Variants in TRIM68 observed in about 807,000 individuals in gnomAD.
TRIM68 encodes tripartite motif containing 68.
A neutral mutation model predicts 41.9 loss-of-function variants in TRIM68; 36 were observed. That is an observed-to-expected ratio of 0.86 (90% confidence interval 0.66 to 1.14). The LOEUF (loss-of-function observed/expected upper bound fraction) is 1.14, where lower values mean the gene tolerates loss of function less well. Ranked by LOEUF, TRIM68 falls within the 50% of genes most tolerant of loss-of-function variation. TRIM68 has a pLI of 0.00. For synonymous variants in TRIM68, 225 were observed against 224.6 expected (o/e 1.00, Z -0.02); for missense variants, 632 against 605.1 (o/e 1.04, Z -0.47).
chr11:4,601,677 C>T lies in TRIM68; in HGVS notation c.793G>A (p.Glu265Lys). Residue 265 changes from glutamate to lysine, a missense_variant, in exon 5 of 7, where the codon GAA (glutamate) becomes AAA (lysine). Transcript: ENST00000300747. Reference sequence around the variant, plus strand: ...GTGAGAACATACCTGTTTAACACTTCCTGAATATCCTGGAAGGAGAAAAAA... The same window carrying T: ...GTGAGAACATACCTGTTTAACACTTTCTGAATATCCTGGAAGGAGAAAAAA... ...PVRWMLQDIQ[E>K]VLNRSKSWSL... is the part of the protein sequence containing the mutation. 1 of 1,614,018 alleles carries T rather than the reference C, an allele frequency of 6.2e-7. No individual in the cohort carries two copies. The highest frequency in any genetic ancestry group is 1.3e-5 in the African/African-American group (1 of 74,970).
chr11:4,605,230 C>T lies in TRIM68; in HGVS notation c.275G>A (p.Gly92Glu). The T allele has an allele frequency of 3.1e-6, 5 of 1,614,260 alleles. No homozygotes were observed. The highest frequency in any genetic ancestry group is 4.2e-6 in the Non-Finnish European group (5 of 1,180,048). The change falls in exon 2 of 7, where the codon GGG (glycine) becomes GAG (glutamate). Residue 92 changes from glycine to glutamate, a missense_variant. Physicochemically the swap from Gly to Glu is moderately conservative, Grantham distance 98. Transcript: ENST00000300747. ...GCGCTCACACAGGTCACCCTTCAGC[C>T]CCATTCCTGGATGTAGCCTTAGCAG... ...VRLLRLHPGM[G>E]LKGDLCERHG...
intron 1 of TRIM68, among the ~76,000 whole-genome samples, chr11:4,606,827 C>T (rs566105636): frequency 6.6e-6 from 1 of 152,328 alleles, no homozygotes; most frequent in Non-Finnish European, 1.5e-5. Context: ...AGAAAAATCA[C>T]TGTGGTTTAG....
intron 4 of TRIM68, 58 bp from the exon 5 acceptor site, chr11:4,601,744 G>C (rs1010347476): frequency 1.3e-6 from 2 of 1,599,094 alleles, no homozygotes; most frequent in Admixed American, 3.3e-5. Flanking sequence ...AGAGGGAACA[G>C]ACATCGAACT....
intron 2 of TRIM68, among the ~76,000 whole-genome samples, chr11:4,604,084 G>C (rs1846534959): frequency 6.6e-6 from 1 of 152,284 alleles, no homozygotes; most frequent in African/African-American, 2.4e-5. Context: ...GTAATAAATG[G>C]TTGGGCTGGG....
In TRIM68 at chr11:4,600,629, C is replaced by G. The variant is rs747281312; in HGVS notation, c.1105G>C (p.Glu369Gln). 2 of 1,614,048 alleles carry G rather than the reference C, an allele frequency of 1.2e-6. No individual in the cohort carries two copies. Among genetic ancestry groups the G allele is most frequent in the East Asian group, 2.2e-5 (1 of 44,880 alleles). Residue 369 changes from glutamate (E) to glutamine (Q), a missense_variant, in exon 7 of 7, where the codon GAG becomes CAG. Physicochemically the swap from Glu to Gln is conservative, Grantham distance 29. Transcript: ENST00000300747. ...TGCTTACATACTCCCAGGCCCCACTCAGACCTGTCTCCCACCTCCACCTCC... is the reference window on the plus strand; with the variant it reads ...TGCTTACATACTCCCAGGCCCCACTGAGACCTGTCTCCCACCTCCACCTCC... ...YWEVEVGDRS[E>Q]WGLGVCKQNV...
Position 4,605,259 on chromosome 11 carries a change from G to T in TRIM68, c.246C>A (p.Val82=). 6.2e-7 allele frequency: 1 copy of T among 1,614,244 alleles called. No homozygotes were observed. The highest frequency in any genetic ancestry group is 8.5e-7 in the Non-Finnish European group (1 of 1,180,048). ...TTCCTGGATGTAGCCTTAGCAGACG[G>T]ACTTTTTCTACAACATTGGCCAGCT... ...NWQLANVVEK[V]RLLRLHPGMG... Residue 82 remains valine, a synonymous_variant, in exon 2 of 7, where the codon GTC becomes GTA. Coordinates refer to ENST00000300747, the MANE Select transcript of TRIM68 (RefSeq NM_018073.8).
intron 5 of TRIM68, 71 bp from the exon 6 acceptor site, chr11:4,601,198 G>T: frequency 8.3e-7 from 1 of 1,201,536 alleles, no homozygotes. Context: ...TTAGTACAGG[G>T]AAGAGGGGCT....
At position 4,600,151 on chromosome 11, in the gene TRIM68, A is replaced by G. The variant is rs1250686317; in HGVS notation, c.*125T>C. 4.0e-6 allele frequency: 4 copies of G among 989,454 alleles called. No individual in the cohort carries two copies. Among genetic ancestry groups the G allele is most frequent in the Non-Finnish European group, 5.8e-6 (4 of 683,868 alleles). The allele number at this position is 989,454 out of a possible 1,614,324, so 61.3% of individuals were successfully genotyped here. On this transcript the variant is annotated 3_prime_UTR_variant, in exon 7 of 7. Coordinates refer to ENST00000300747, the MANE Select transcript of TRIM68 (RefSeq NM_018073.8). ...CTGGTAGCAAAGACCAAAGGATCAG[A>G]CAGAGGAATCCTTGGATACTGGGCT...
Position 4,600,635 on chromosome 11 carries a change from T to G in TRIM68, c.1099A>C (p.Arg367=), listed in dbSNP as rs1406347244. The G allele has an allele frequency of 6.2e-7, 1 of 1,614,152 alleles. No homozygotes were observed. Among genetic ancestry groups the G allele is most frequent in the East Asian group, 2.2e-5 (1 of 44,874 alleles). Residue 367 remains arginine (R), a synonymous_variant, in exon 7 of 7, where the codon AGG becomes CGG. Transcript: ENST00000300747. ...RHYWEVEVGD[R]SEWGLGVCKQ... ...CATACTCCCAGGCCCCACTCAGACC[T>G]GTCTCCCACCTCCACCTCCCAGTAG... is the stretch of plus-strand genomic sequence containing the variant.
rs1564864736 is a variant in TRIM68 at position 4,600,844 on chromosome 11, G to A, written c.908-18C>T. 1 of 1,605,562 alleles carries A rather than the reference G, an allele frequency of 6.2e-7. No individual in the cohort carries two copies. Among genetic ancestry groups the A allele is most frequent in the Non-Finnish European group, 8.5e-7 (1 of 1,175,068 alleles). On this transcript the variant is annotated intron_variant, in intron 6 of 6. Transcript: ENST00000300747. Reference sequence around the variant, plus strand: ...CACATCAGCTAGAAGAAAAGGTCCTGGTTGGTAACAGTGATATAGGGCCAG... The same window carrying A: ...CACATCAGCTAGAAGAAAAGGTCCTAGTTGGTAACAGTGATATAGGGCCAG...
chr11:4,605,882 A>C (rs1846562065), intron 1 of TRIM68, among the ~76,000 whole-genome samples: 1 of 152,208 alleles, frequency 6.6e-6, no homozygotes, highest in Non-Finnish European at 1.5e-5. Context: ...TCTACAAATC[A>C]GCATTATTTC....
chr11:4,605,066 T>C lies in TRIM68; in HGVS notation c.426+13A>G, dbSNP rs1846547504. 1 of 1,611,604 alleles carries C rather than the reference T, an allele frequency of 6.2e-7. No individual in the cohort carries two copies. The highest frequency in any genetic ancestry group is 2.2e-5 in the East Asian group (1 of 44,834). On this transcript the variant is annotated intron_variant, in intron 2 of 6. Transcript: ENST00000300747. Reference sequence around the variant, plus strand: ...CCGGGGTTAGACTGGAGTGGCCAGCTTCCATCTCTCACCTTGTACTCCCAG... The same window carrying C: ...CCGGGGTTAGACTGGAGTGGCCAGCCTCCATCTCTCACCTTGTACTCCCAG...
intron 4 of TRIM68, 47 bp downstream of exon 4, chr11:4,602,105 C>A: frequency 6.2e-7 from 1 of 1,612,020 alleles, no homozygotes; most frequent in South Asian, 1.1e-5. Context: ...GAGTCTCAGT[C>A]TATCTTCAGC....
Position 4,605,276 on chromosome 11 carries a change from T to C in TRIM68, c.229A>G (p.Asn77Asp). ...AGCAGACGGACTTTTTCTACAACAT[T>C]GGCCAGCTGCCAATTAGGCCGCAGG... is the stretch of plus-strand genomic sequence containing the variant. ...RNLRPNWQLA[N>D]VVEKVRLLRL... The change falls in exon 2 of 7, where the codon AAT (asparagine) becomes GAT (aspartate). Residue 77 changes from asparagine (N) to aspartate (D), a missense_variant. Physicochemically the swap from Asn to Asp is conservative, Grantham distance 23. Coordinates refer to ENST00000300747, the MANE Select transcript of TRIM68 (RefSeq NM_018073.8). 6.2e-7 allele frequency: 1 copy of C among 1,614,260 alleles called. No individual in the cohort carries two copies. The highest frequency in any genetic ancestry group is 8.5e-7 in the Non-Finnish European group (1 of 1,180,048).
chr11:4,600,994 C>G, intron 6 of TRIM68, 33 bp downstream of exon 6: 9 of 1,601,732 alleles, frequency 5.6e-6, no homozygotes, highest in Non-Finnish European at 7.7e-6. Flanking sequence ...GTCCCTCCCA[C>G]TGTCCACTAC....
intron 2 of TRIM68, among the ~76,000 whole-genome samples, chr11:4,604,206 G>GA (rs1846536416): frequency 1.3e-5 from 2 of 152,192 alleles, no homozygotes; most frequent in South Asian, 4.2e-4. Flanking sequence ...TCCCATATAG[G>GA]AAAAAAGCTA....
intron 2 of TRIM68, 29 bp downstream of exon 2, chr11:4,605,050 G>C (rs763378323): frequency 2.5e-6 from 4 of 1,606,906 alleles, no homozygotes; most frequent in Non-Finnish European, 3.4e-6. Flanking sequence ...GCCGGGGTTA[G>C]ACTGGAGTGG....
chr11:4,602,093 T>C, intron 4 of TRIM68, 59 bp downstream of exon 4: 3 of 1,607,662 alleles, frequency 1.9e-6, no homozygotes, highest in Non-Finnish European at 2.6e-6. Context: ...TGCTCTCTCC[T>C]GGAGTCTCAG....
chr11:4,603,855 A>G (rs1169067408), intron 2 of TRIM68, among the ~76,000 whole-genome samples: 2 of 152,232 alleles, frequency 1.3e-5, no homozygotes, highest in African/African-American at 4.8e-5. Context: ...ATAGTAATGC[A>G]AGGGATTTCT....
Sources: gnomAD v4.1 joint callset for allele counts (sites outside exome capture counted in the v4.1 genomes callset) on GRCh38, gnomAD v4.1.1 for gene constraint, MANE v1.5 for transcripts, NCBI Gene and HGNC (gene_info 2026-07-23, HGNC 2026-07-21) for gene names.